Variants in KSR2 observed in about 807,000 individuals in gnomAD.
KSR2 encodes the protein kinase suppressor of ras 2.
In KSR2, 25 loss-of-function variants were observed where a neutral mutation model predicts 107.8. The ratio of observed to expected loss-of-function variants is 0.23; its 90% confidence interval spans 0.17 to 0.32. KSR2 has a LOEUF of 0.32. KSR2 is among the 10% of genes least tolerant of loss of function. The probability of loss-of-function intolerance (pLI) is 1.00; values close to 1 mark genes in which losing one functional copy is unlikely to be tolerated. For missense variants in KSR2, 887 were observed against 1,268.9 expected (o/e 0.70, Z 4.57); for synonymous variants, 480 against 507.0 (o/e 0.95, Z 0.71).
chr12:117,578,623 A>G (rs1051312176), intron 7 of KSR2, among the ~76,000 whole-genome samples: 56 of 150,998 alleles, frequency 3.7e-4, no homozygotes, highest in Non-Finnish European at 6.2e-4. Context: ...AAAAAAAAAA[A>G]AGAGACAGAG....
intron 14 of KSR2, among the ~76,000 whole-genome samples, chr12:117,521,316 TG>T (rs1421260586): frequency 6.6e-6 from 1 of 152,178 alleles, no homozygotes; most frequent in Non-Finnish European, 1.5e-5. Context: ...GGCAGGACAC[TG>T]CAAGAAACAT....
chr12:117,507,146 A>T (rs555476227), intron 14 of KSR2, among the ~76,000 whole-genome samples: 1 of 152,284 alleles, frequency 6.6e-6, no homozygotes. Flanking sequence ...TTTCACCTAC[A>T]TGGTTTAATC....
At chr12:117,923,912 C>T (rs1895422103) in intron 1 of KSR2, among the ~76,000 whole-genome samples, 1 of 149,186 alleles carries the variant, frequency 6.7e-6, no homozygotes, top group Non-Finnish European at 1.5e-5. Flanking sequence ...GAGTTTCACG[C>T]TTGTTGCCCA....
rs929411150 is a variant in KSR2, at chr12:117,530,921, G to T, written c.1802+20C>A. The T allele has an allele frequency of 2.0e-5, 33 of 1,610,284 alleles. No homozygotes were observed. The highest frequency in any genetic ancestry group is 2.8e-5 in the Non-Finnish European group (33 of 1,176,758). ...GCTGGGAAGCTTGGGAAAGGGGGAA[G>T]ATGTCTCTGTCTCACTTACATTGGA... On this transcript the variant is annotated intron_variant, in intron 12 of 19. Transcript: ENST00000339824.
intron 1 of KSR2, among the ~76,000 whole-genome samples, chr12:117,875,331 C>CTGTTT (rs1213176610): frequency 6.7e-5 from 7 of 103,858 alleles, no homozygotes; most frequent in Non-Finnish European, 1.1e-4. Context: ...CCCTTAGGTG[C>CTGTTT]TATTTTTTTT....
intron 3 of KSR2, among the ~76,000 whole-genome samples, chr12:117,770,813 A>C (rs1393615842): frequency 4.7e-5 from 6 of 126,326 alleles, no homozygotes; most frequent in Non-Finnish European, 1.0e-4. Flanking sequence ...CAAAAATACA[A>C]AAAAAAAAAA....
intron 5 of KSR2, among the ~76,000 whole-genome samples, chr12:117,616,478 A>C (rs930094341): frequency 5.3e-5 from 8 of 152,224 alleles, no homozygotes; most frequent in African/African-American, 2.4e-5. Flanking sequence ...GTGAGGCACC[A>C]TCCAGATATC....
chr12:117,847,026 G>C (rs1034750341), intron 3 of KSR2, among the ~76,000 whole-genome samples: 1 of 152,244 alleles, frequency 6.6e-6, no homozygotes, highest in African/African-American at 2.4e-5. Flanking sequence ...TCGTAAGCGA[G>C]AGTCCTAATT....
chr12:117,807,172 G>A (rs778308038), intron 3 of KSR2, among the ~76,000 whole-genome samples: 6 of 152,100 alleles, frequency 3.9e-5, no homozygotes, highest in Non-Finnish European at 5.9e-5. Context: ...ACTCTCACCC[G>A]ATGACCTGCT....
intron 3 of KSR2, among the ~76,000 whole-genome samples, chr12:117,793,546 C>G: frequency 6.9e-6 from 1 of 145,706 alleles, no homozygotes; most frequent in African/African-American, 2.6e-5. Flanking sequence ...CTCACGCCAA[C>G]ATGCACACTC....
At chr12:117,730,366 A>G (rs1593175675) in intron 4 of KSR2, among the ~76,000 whole-genome samples, 1 of 152,160 alleles carries the variant, frequency 6.6e-6, no homozygotes, top group Non-Finnish European at 1.5e-5. Flanking sequence ...TGCCCATAAC[A>G]TGGTAAGAAT....
At position 117,733,365 on chromosome 12, in the gene KSR2, C is replaced by A. The variant is rs1355418439; in HGVS notation, c.986+27646G>T. 2.0e-5 allele frequency among the ~76,000 whole-genome samples: 3 copies of A among 152,204 alleles called. No homozygotes were observed. In the East Asian group the frequency reaches 5.8e-4, roughly 29 times the overall value. On this transcript the variant is annotated intron_variant, in intron 4 of 19. Coordinates refer to ENST00000339824, the MANE Select transcript of KSR2 (RefSeq NM_173598.6). ...GATGCCTGCTATTCTCCTGCCTGAA[C>A]ACGTCCCACTCTTTACCTGGCCATT...
intron 3 of KSR2, among the ~76,000 whole-genome samples, chr12:117,771,051 C>T (rs1665173): frequency 2.0e-5 from 3 of 152,012 alleles, no homozygotes; most frequent in Non-Finnish European, 4.4e-5. Flanking sequence ...TTCAATCCTC[C>T]GTGGCATCCT....
intron 5 of KSR2, among the ~76,000 whole-genome samples, chr12:117,598,298 CA>C (rs1445903409): frequency 1.3e-5 from 2 of 152,210 alleles, no homozygotes; most frequent in Non-Finnish European, 2.9e-5. Context: ...CAGGTTGCTG[CA>C]AATGCCATTA....
Position 117,454,345 on chromosome 12 carries a change from G to C in KSR2, c.*12854C>G, listed in dbSNP as rs1870489880. 1 of 152,246 alleles carries C rather than the reference G, an allele frequency of 6.6e-6. No homozygotes were observed. The highest frequency in any genetic ancestry group is 1.5e-5 in the Non-Finnish European group (1 of 68,042). The allele number at this position is 152,246 out of a possible 1,614,324, so 9.4% of individuals were successfully genotyped here. On this transcript the variant is annotated 3_prime_UTR_variant, in exon 20 of 20. Transcript: ENST00000339824. The stretch of plus-strand genomic sequence containing the variant: ...AAATCATTATCCACAATAGACAGTG[G>C]CTCAAGAAATGCAAATTGAGTCAAG...
intron 5 of KSR2, among the ~76,000 whole-genome samples, chr12:117,661,054 C>T (rs1269346707): frequency 2.0e-5 from 3 of 152,238 alleles, no homozygotes; most frequent in Admixed American, 1.3e-4. Context: ...TTCAACGCCA[C>T]TTAATGTAGG....
At chr12:117,825,846 G>A (rs1891723461) in intron 3 of KSR2, among the ~76,000 whole-genome samples, 1 of 148,206 alleles carries the variant, frequency 6.7e-6, no homozygotes, top group Non-Finnish European at 1.5e-5. Flanking sequence ...TGGGTAGGTG[G>A]ATAAATGGGT....
At chr12:117,470,508 A>C (rs1241072349) in intron 18 of KSR2, among the ~76,000 whole-genome samples, 2 of 152,238 alleles carry the variant, frequency 1.3e-5, no homozygotes, top group Non-Finnish European at 2.9e-5. Flanking sequence ...ACTGAGGTCA[A>C]CAATACTTCC....
Position 117,479,995 on chromosome 12 carries a change from C to T in KSR2, c.2451-3400G>A, listed in dbSNP as rs139579787. On this transcript the variant is annotated intron_variant, in intron 16 of 19. Coordinates refer to ENST00000339824, the MANE Select transcript of KSR2 (RefSeq NM_173598.6). ...AGGACTGTGTCAGCTGCCAGAGACACGCAATTACTGGACATAATCATTACA... is the reference window on the plus strand; with the variant it reads ...AGGACTGTGTCAGCTGCCAGAGACATGCAATTACTGGACATAATCATTACA... 6.8e-3 allele frequency among the ~76,000 whole-genome samples: 1,028 copies of T among 151,922 alleles called. 13 individuals carry two copies. Among genetic ancestry groups the T allele is most frequent in the African/African-American group, 0.023 (959 of 41,384 alleles).
Sources: gnomAD v4.1 joint callset for allele counts (sites outside exome capture counted in the v4.1 genomes callset) on GRCh38, gnomAD v4.1.1 for gene constraint, MANE v1.5 for transcripts, NCBI Gene and HGNC (gene_info 2026-07-23, HGNC 2026-07-21) for gene names.